DNAH9: variants seen among roughly 807,000 people sequenced by gnomAD.
The protein encoded by DNAH9 is DNAH9 variant protein.
In DNAH9, 345 loss-of-function variants were observed where a neutral mutation model predicts 471.6. The observed-to-expected ratio is 0.73, with a 90% CI of 0.67 to 0.80. The LOEUF is 0.80. Ranked by LOEUF, DNAH9 falls within the 30% of genes least tolerant of loss-of-function variation. The pLI is 0.00. For missense variants in DNAH9, 5,407 were observed against 5,609.2 expected, an observed-to-expected ratio of 0.96 and a Z score of 1.15; for synonymous variants, 2,093 against 2,123.6, an observed-to-expected ratio of 0.99 and a Z score of 0.40.
At chr17:11,739,192 T>C (rs988752591) in intron 29 of DNAH9, among the ~76,000 whole-genome samples, 155 bp downstream of exon 29, 2 of 152,262 alleles carry the variant, frequency 1.3e-5, no homozygotes, top group African/African-American at 4.8e-5. Context: ...TGCAGTAAAA[T>C]TGCTTTTTGC....
In DNAH9 at chr17:11,869,226, A is replaced by T; in HGVS notation, c.10026A>T (p.Ala3342=). 1 of 1,613,780 alleles carries T rather than the reference A, an allele frequency of 6.2e-7. No individual in the cohort carries two copies. The change falls in exon 51 of 69, where the codon GCA becomes GCT. Residue 3342 remains alanine (A), a synonymous_variant. Transcript: ENST00000262442. ...LKCQQEAEVT[A]VTISLANRLV... Reference sequence around the variant, plus strand: ...GTCAGCAAGAAGCCGAAGTGACCGCAGTCACCATCTCCCTTGCCAACCGCC... The same window carrying T: ...GTCAGCAAGAAGCCGAAGTGACCGCTGTCACCATCTCCCTTGCCAACCGCC...
At chr17:11,842,695 T>C (rs1971073293) in intron 49 of DNAH9, among the ~76,000 whole-genome samples, 2 of 152,168 alleles carry the variant, frequency 1.3e-5, no homozygotes, top group South Asian at 4.1e-4. Flanking sequence ...AGGAGATAGA[T>C]AAAGGCCAGA....
intron 30 of DNAH9, among the ~76,000 whole-genome samples, chr17:11,743,100 C>T (rs1302771548): frequency 2.6e-5 from 4 of 152,132 alleles, no homozygotes; most frequent in Non-Finnish European, 4.4e-5. Context: ...TTAAAAAGCT[C>T]CTCCAGCTCA....
intron 41 of DNAH9, among the ~76,000 whole-genome samples, chr17:11,786,662 G>A (rs115085489): frequency 0.011 from 1,640 of 152,344 alleles, 27 homozygotes; most frequent in African/African-American, 0.038. Flanking sequence ...ATGGTAAGCA[G>A]CAGCATTGAT....
At chr17:11,708,900 C>T (rs1348238058) in intron 26 of DNAH9, among the ~76,000 whole-genome samples, 1 of 152,112 alleles carries the variant, frequency 6.6e-6, no homozygotes, top group East Asian at 1.9e-4. Context: ...CTGTGTCTAG[C>T]ACACAATGGG....
At chr17:11,957,729 A>G (rs1376671577) in intron 67 of DNAH9, among the ~76,000 whole-genome samples, 2 of 152,206 alleles carry the variant, frequency 1.3e-5, no homozygotes, top group South Asian at 2.1e-4. Flanking sequence ...CTTCAGCCAT[A>G]CACCACAGAA....
chr17:11,771,718 C>T (rs1189943850), intron 38 of DNAH9, among the ~76,000 whole-genome samples: 1 of 152,148 alleles, frequency 6.6e-6, no homozygotes, highest in Non-Finnish European at 1.5e-5. Flanking sequence ...TTGAGTCCAA[C>T]AACTGATCAG....
At chr17:11,599,294 C>G (rs1480559514) in intron 1 of DNAH9, among the ~76,000 whole-genome samples, 1 of 152,060 alleles carries the variant, frequency 6.6e-6, no homozygotes, top group Non-Finnish European at 1.5e-5. Context: ...AAATCAGCCT[C>G]TCGTAATCCC....
chr17:11,727,928 G>A lies in DNAH9; in HGVS notation c.5814+6G>A. 1.3e-6 allele frequency: 2 copies of A among 1,599,808 alleles called. No individual in the cohort carries two copies. The highest frequency in any genetic ancestry group is 1.7e-6 in the Non-Finnish European group (2 of 1,167,028). On this transcript the variant is annotated splice_donor_region_variant and intron_variant, in intron 28 of 68. Coordinates refer to ENST00000262442, the MANE Select transcript of DNAH9 (RefSeq NM_001372.4). ...TGTCAGTGGTGGCAGTGCAGGTAAG[G>A]GCCAGAAGTTGGTGGGAGCCTTGTG... is the stretch of plus-strand genomic sequence containing the variant.
intron 19 of DNAH9, among the ~76,000 whole-genome samples, chr17:11,681,525 G>A (rs1336202200): frequency 6.6e-6 from 1 of 152,156 alleles, no homozygotes; most frequent in African/African-American, 2.4e-5. Flanking sequence ...GCTCCAACCA[G>A]GAGGCCAAGC....
chr17:11,654,955 CTTAGTAA>C (rs1403193330), intron 14 of DNAH9, among the ~76,000 whole-genome samples: 1 of 152,074 alleles, frequency 6.6e-6, no homozygotes, highest in Non-Finnish European at 1.5e-5. Context: ...AAATACAAAA[CTTAGTAA>C]TTAGGCCTTA....
At chr17:11,787,675 C>A (rs1438247884) in intron 41 of DNAH9, among the ~76,000 whole-genome samples, 1 of 152,134 alleles carries the variant, frequency 6.6e-6, no homozygotes. Flanking sequence ...GGTCCCCACC[C>A]AAATCTCATC....
intron 17 of DNAH9, among the ~76,000 whole-genome samples, chr17:11,675,038 A>C (rs1001181046): frequency 2.0e-5 from 3 of 152,168 alleles, no homozygotes; most frequent in Admixed American, 6.5e-5. Flanking sequence ...TTATATTTGT[A>C]GTGACTATAG....
chr17:11,696,994 G>C (rs1439920319), intron 22 of DNAH9, among the ~76,000 whole-genome samples: 1 of 152,036 alleles, frequency 6.6e-6, no homozygotes, highest in East Asian at 1.9e-4. Context: ...TCAGGCTCCA[G>C]AGTAGCTGGA....
rs531581687 is a variant in DNAH9, at chr17:11,823,747, T to C, written c.9246+713T>C. 2.1e-4 allele frequency among the ~76,000 whole-genome samples: 32 copies of C among 152,082 alleles called. No individual in the cohort carries two copies. The East Asian group carries it at 5.8e-3, about 28-fold the overall frequency. ...GAGATCGAGACCATCCTGGCCAACA[T>C]GGTGAAACTCCATCTCTACTAAAAA... is the stretch of plus-strand genomic sequence containing the variant. On this transcript the variant is annotated intron_variant, in intron 48 of 68. Coordinates refer to ENST00000262442, the MANE Select transcript of DNAH9 (RefSeq NM_001372.4).
intron 68 of DNAH9, among the ~76,000 whole-genome samples, chr17:11,965,593 G>A (rs770816356): frequency 3.3e-5 from 5 of 152,118 alleles, no homozygotes; most frequent in Non-Finnish European, 5.9e-5. Flanking sequence ...CCATACACAA[G>A]GAAGAAAGCA....
At chr17:11,615,529 G>T (rs957592944) in intron 4 of DNAH9, among the ~76,000 whole-genome samples, 2 of 151,860 alleles carry the variant, frequency 1.3e-5, no homozygotes, top group Non-Finnish European at 2.9e-5. Flanking sequence ...AGGTTGCAGT[G>T]AGCCAAGACT....
In DNAH9 at chr17:11,969,675, G is replaced by C; in HGVS notation, c.*148G>C. On this transcript the variant is annotated 3_prime_UTR_variant, in exon 69 of 69. Transcript: ENST00000262442. ...GTAGAATTCCTCTAGGGAACTTGGA[G>C]AGGTGTGCCTAAGGTGAGGCTGAGC... 1.5e-6 allele frequency: 1 copy of C among 684,212 alleles called. No homozygotes were observed. The highest frequency in any genetic ancestry group is 2.0e-5 in the South Asian group (1 of 50,822). 42.4% of individuals were successfully genotyped at this position (684,212 alleles called of 1,614,324 possible).
intron 3 of DNAH9, among the ~76,000 whole-genome samples, chr17:11,611,163 C>T (rs1282717025): frequency 2.6e-5 from 4 of 152,140 alleles, no homozygotes; most frequent in South Asian, 2.1e-4. Flanking sequence ...CAGATGTTAG[C>T]GGCAGACGTG....
Sources: gnomAD v4.1 joint callset for allele counts (sites outside exome capture counted in the v4.1 genomes callset) on GRCh38, gnomAD v4.1.1 for gene constraint, MANE v1.5 for transcripts, NCBI Gene and HGNC (gene_info 2026-07-23, HGNC 2026-07-21) for gene names.